The following CADM2 variants were observed in gnomAD, a reference collection of about 807,000 sequenced individuals.
CADM2 encodes immunoglobulin superfamily member 4D.
In CADM2, 12 loss-of-function variants were observed where a neutral mutation model predicts 49.8. The ratio of observed to expected loss-of-function variants is 0.24; its 90% CI spans 0.15 to 0.39. The LOEUF is 0.39. Ranked by LOEUF, CADM2 falls within the 10% of genes least tolerant of loss-of-function variation. The pLI, the probability that CADM2 is intolerant of heterozygous loss-of-function variation, is 1.00. For missense variants in CADM2, 378 were observed against 492.3 expected (o/e 0.77, Z 2.20); for synonymous variants, 214 against 175.4 (o/e 1.22, Z -1.74).
At chr3:85,430,915 C>G (rs938348361) in intron 1 of CADM2, among the ~76,000 whole-genome samples, 1 of 152,026 alleles carries the variant, frequency 6.6e-6, no homozygotes, top group Non-Finnish European at 1.5e-5. Context: ...CTAGGTGATG[C>G]TTCCTCAAAC....
chr3:85,816,896 A>C (rs573499053), intron 3 of CADM2, among the ~76,000 whole-genome samples: 76 of 152,298 alleles, frequency 5.0e-4, no homozygotes, highest in African/African-American at 1.8e-3. Flanking sequence ...TAAATACTAA[A>C]TGTTTTTTCA....
chr3:85,882,967 T>C (rs1167208864), intron 3 of CADM2, among the ~76,000 whole-genome samples: 2 of 152,224 alleles, frequency 1.3e-5, no homozygotes, highest in Admixed American at 6.5e-5. Context: ...TTCTTGGCAC[T>C]GGTATTCTAT....
intron 1 of CADM2, among the ~76,000 whole-genome samples, chr3:84,973,614 G>C (rs1049272318): frequency 6.6e-6 from 1 of 152,108 alleles, no homozygotes; most frequent in Non-Finnish European, 1.5e-5. Flanking sequence ...GGGAGAAGAG[G>C]TCTGTGAGAA....
intron 1 of CADM2, among the ~76,000 whole-genome samples, chr3:85,198,609 T>C (rs528476190): frequency 6.6e-6 from 1 of 152,000 alleles, no homozygotes; most frequent in East Asian, 1.9e-4. Flanking sequence ...GGTGATATTG[T>C]AGTTTCAGTT....
intron 1 of CADM2, among the ~76,000 whole-genome samples, chr3:85,432,055 A>T (rs981433615): frequency 1.3e-5 from 2 of 150,006 alleles, no homozygotes; most frequent in African/African-American, 4.9e-5. Context: ...GCTTTCCTGA[A>T]ATTGGGAGAA....
intron 1 of CADM2, among the ~76,000 whole-genome samples, chr3:85,118,129 T>C (rs1023983310): frequency 6.6e-6 from 1 of 152,014 alleles, no homozygotes; most frequent in Non-Finnish European, 1.5e-5. Context: ...TCTTTTTTTC[T>C]CTATACATCA....
At chr3:85,758,069 G>A (rs2069202619) in intron 2 of CADM2, among the ~76,000 whole-genome samples, 1 of 152,064 alleles carries the variant, frequency 6.6e-6, no homozygotes, top group Non-Finnish European at 1.5e-5. Context: ...CTCACTAAGA[G>A]ACAAAGGGAG....
rs947238414 is a variant in CADM2, at chr3:85,235,200, G to T, written c.61+275532G>T. Among the ~76,000 whole-genome samples the T allele has an allele frequency of 6.6e-5, 10 of 152,128 alleles. No individual in the cohort carries two copies. The East Asian group carries it at 1.7e-3, about 26-fold the overall frequency. ...CCTTATAGAATATTTCATGTAGATG[G>T]TTTTTTGTGACATTTTCACTGTAAT... On this transcript the variant is annotated intron_variant, in intron 1 of 9. Coordinates refer to ENST00000383699, the MANE Select transcript of CADM2 (RefSeq NM_001167675.2).
intron 3 of CADM2, among the ~76,000 whole-genome samples, chr3:85,881,577 G>T (rs374295915): frequency 6.6e-6 from 1 of 152,102 alleles, no homozygotes; most frequent in African/African-American, 2.4e-5. Flanking sequence ...ATGGGCTGTG[G>T]TTCTAATGAG....
intron 1 of CADM2, among the ~76,000 whole-genome samples, chr3:85,034,699 A>G (rs2035133195): frequency 6.6e-6 from 1 of 151,522 alleles, no homozygotes; most frequent in African/African-American, 2.4e-5. Flanking sequence ...GTACTAATTT[A>G]CATTCCCACC....
chr3:85,330,887 G>C (rs934689518), intron 1 of CADM2, among the ~76,000 whole-genome samples: 4 of 151,928 alleles, frequency 2.6e-5, no homozygotes, highest in Admixed American at 6.6e-5. Context: ...GTTTGAGCCT[G>C]TGAGTTTGAG....
At chr3:85,621,287 C>A (rs998740886) in intron 1 of CADM2, among the ~76,000 whole-genome samples, 3 of 151,884 alleles carry the variant, frequency 2.0e-5, no homozygotes, top group African/African-American at 7.3e-5. Flanking sequence ...GTTATATAAA[C>A]CAGTGTATAG....
chr3:85,674,896 T>C (rs2065848790), intron 1 of CADM2, among the ~76,000 whole-genome samples: 1 of 152,168 alleles, frequency 6.6e-6, no homozygotes, highest in Non-Finnish European at 1.5e-5. Flanking sequence ...CGAATTTCTG[T>C]TTGCTCTTTT....
At chr3:85,191,756 A>C (rs1395972382) in intron 1 of CADM2, among the ~76,000 whole-genome samples, 1 of 152,142 alleles carries the variant, frequency 6.6e-6, no homozygotes, top group East Asian at 1.9e-4. Context: ...CTGAATTCAG[A>C]ACCCTGATAG....
chr3:86,009,631 T>G (rs1300656851), intron 8 of CADM2, among the ~76,000 whole-genome samples: 2 of 151,906 alleles, frequency 1.3e-5, no homozygotes. Flanking sequence ...TGACATAAAC[T>G]GATACTTCTT....
rs568014787 is a variant in CADM2 at position 85,413,737 on chromosome 3, C to T, written c.62-312785C>T. On this transcript the variant is annotated intron_variant, in intron 1 of 9. Coordinates refer to ENST00000383699, the MANE Select transcript of CADM2 (RefSeq NM_001167675.2). ...CGATCCAATCACCTTCCACCAAGCC[C>T]CACCTCCAATATTGGGGATTACAAT... 2.0e-5 allele frequency among the ~76,000 whole-genome samples: 3 copies of T among 152,286 alleles called. No individual in the cohort carries two copies. In the South Asian group the frequency reaches 6.2e-4, roughly 32 times the overall value.
intron 1 of CADM2, among the ~76,000 whole-genome samples, chr3:85,375,195 C>T (rs796602174): frequency 8.5e-5 from 13 of 152,210 alleles, no homozygotes; most frequent in African/African-American, 3.1e-4. Flanking sequence ...TCCACATTTT[C>T]AAGGAGAGAA....
chr3:85,408,488 CA>C (rs1462059401), intron 1 of CADM2, among the ~76,000 whole-genome samples: 1 of 152,148 alleles, frequency 6.6e-6, no homozygotes, highest in Admixed American at 6.5e-5. Flanking sequence ...TTTGATGTTG[CA>C]AAAGCAGAAG....
chr3:85,953,914 G>T (rs1267255289), intron 7 of CADM2, among the ~76,000 whole-genome samples: 4 of 150,802 alleles, frequency 2.7e-5, no homozygotes, highest in Non-Finnish European at 6.0e-5. Context: ...TAAACCTGTG[G>T]AAATACATTG....
Sources: allele counts gnomAD v4.1 joint callset (sites outside exome capture counted in the v4.1 genomes callset), GRCh38; gene constraint gnomAD v4.1.1; transcripts MANE v1.5; gene names NCBI Gene and HGNC (gene_info 2026-07-23, HGNC 2026-07-21).